SORCS3: variants seen among roughly 807,000 people sequenced by gnomAD.
SORCS3 encodes the protein sortilin related VPS10 domain containing receptor 3.
A neutral mutation model predicts 146.3 loss-of-function variants in SORCS3; 57 were observed. The ratio of observed to expected loss-of-function variants is 0.39; its 90% CI spans 0.31 to 0.49. The LOEUF is 0.49. Ranked by LOEUF, SORCS3 falls within the 20% of genes least tolerant of loss-of-function variation. SORCS3 has a pLI of 0.92. For missense variants in SORCS3, 1,341 were observed against 1,575.5 expected, an observed-to-expected ratio of 0.85 and a Z score of 2.52; for synonymous variants, 653 against 618.5, an observed-to-expected ratio of 1.06 and a Z score of -0.83.
chr10:105,252,138 T>A (rs994679805), intron 22 of SORCS3, among the ~76,000 whole-genome samples: 1 of 152,190 alleles, frequency 6.6e-6, no homozygotes, highest in Non-Finnish European at 1.5e-5. Flanking sequence ...ATATTTTGGA[T>A]CATGTCTTTA....
intron 4 of SORCS3, among the ~76,000 whole-genome samples, chr10:105,009,815 C>T (rs2055122275): frequency 6.6e-6 from 1 of 151,696 alleles, no homozygotes; most frequent in South Asian, 2.1e-4. Flanking sequence ...ACAACAGGGC[C>T]CTGGCTGGGA....
intron 1 of SORCS3, among the ~76,000 whole-genome samples, chr10:104,647,597 GC>G (rs1370740810): frequency 2.6e-5 from 4 of 152,146 alleles, no homozygotes; most frequent in Admixed American, 2.6e-4. Flanking sequence ...TCTCATCCGT[GC>G]CTGGCAGCAT....
chr10:105,148,864 C>T (rs1050824737), intron 9 of SORCS3, among the ~76,000 whole-genome samples: 1 of 151,998 alleles, frequency 6.6e-6, no homozygotes, highest in Non-Finnish European at 1.5e-5. Flanking sequence ...GTTCTGTGTC[C>T]CTACCCAAAT....
chr10:104,654,724 A>T (rs2015604629), intron 1 of SORCS3, among the ~76,000 whole-genome samples: 1 of 152,210 alleles, frequency 6.6e-6, no homozygotes, highest in South Asian at 2.1e-4. Flanking sequence ...ATTTGGCATT[A>T]TATGTGTCTC....
chr10:104,969,340 T>TGTGTGTGTGTGC (rs398014705), intron 3 of SORCS3, among the ~76,000 whole-genome samples: 38 of 112,420 alleles, frequency 3.4e-4, no homozygotes, highest in African/African-American at 8.2e-4. Flanking sequence ...TGTGTGTGTG[T>TGTGTGTGTGTGC]GCGCGCGCGC....
intron 25 of SORCS3, among the ~76,000 whole-genome samples, chr10:105,258,770 G>A (rs1043542663): frequency 1.3e-5 from 2 of 152,072 alleles, no homozygotes; most frequent in South Asian, 4.2e-4. Flanking sequence ...TTCTACCTTT[G>A]TAGTTCCCAG....
chr10:104,822,023 A>G, intron 1 of SORCS3: 3 of 502,164 alleles, frequency 6.0e-6, no homozygotes, highest in South Asian at 3.0e-5. Context: ...ATACCATCTC[A>G]GCCTACTGCA....
intron 7 of SORCS3, among the ~76,000 whole-genome samples, chr10:105,128,479 T>C (rs1186012470): frequency 6.6e-6 from 1 of 152,124 alleles, no homozygotes; most frequent in African/African-American, 2.4e-5. Context: ...CTCTAGAAAA[T>C]GAATGATTTT....
chr10:104,720,827 G>T (rs576947829), intron 1 of SORCS3, among the ~76,000 whole-genome samples: 1 of 152,082 alleles, frequency 6.6e-6, no homozygotes, highest in South Asian at 2.1e-4. Flanking sequence ...GGGGTTGTTT[G>T]TTTTTTTCTT....
intron 3 of SORCS3, among the ~76,000 whole-genome samples, chr10:104,928,467 G>T (rs2019172667): frequency 6.6e-6 from 1 of 152,114 alleles, no homozygotes; most frequent in African/African-American, 2.4e-5. Flanking sequence ...GGATCTCACT[G>T]CCCCTGAGGT....
chr10:104,824,045 A>G (rs993704499), intron 1 of SORCS3, among the ~76,000 whole-genome samples: 5 of 152,202 alleles, frequency 3.3e-5, no homozygotes, highest in Admixed American at 2.6e-4. Flanking sequence ...AAGAAAAACA[A>G]CAGATTTTCC....
intron 16 of SORCS3, among the ~76,000 whole-genome samples, chr10:105,207,839 C>T (rs1408755249): frequency 6.6e-6 from 1 of 152,146 alleles, no homozygotes; most frequent in Non-Finnish European, 1.5e-5. Context: ...AACTGCTAAA[C>T]ACGGTTATAT....
intron 26 of SORCS3, 74 bp from the exon 27 acceptor site, chr10:105,263,236 C>T: frequency 6.9e-7 from 1 of 1,439,132 alleles, no homozygotes; most frequent in Non-Finnish European, 9.7e-7. Context: ...TGGTATTTAG[C>T]AGTGAATAAA....
intron 5 of SORCS3, among the ~76,000 whole-genome samples, chr10:105,069,720 C>T (rs2055545232): frequency 6.6e-6 from 1 of 152,110 alleles, no homozygotes. Flanking sequence ...TGATACTTTC[C>T]AGCAGGGAGC....
chr10:104,739,812 A>G (rs2016819625), intron 1 of SORCS3, among the ~76,000 whole-genome samples: 1 of 152,196 alleles, frequency 6.6e-6, no homozygotes, highest in Non-Finnish European at 1.5e-5. Flanking sequence ...ATTTGATTGG[A>G]TTTCCATTAG....
At chr10:105,023,583 T>A (rs1469796830) in intron 4 of SORCS3, among the ~76,000 whole-genome samples, 1 of 152,192 alleles carries the variant, frequency 6.6e-6, no homozygotes, top group African/African-American at 2.4e-5. Context: ...AGTAAGCTGT[T>A]TGAGTCGCAG....
chr10:104,786,717 G>A (rs923756598), intron 1 of SORCS3, among the ~76,000 whole-genome samples: 2 of 152,096 alleles, frequency 1.3e-5, no homozygotes, highest in Non-Finnish European at 2.9e-5. Context: ...TCGAGACCAG[G>A]TCCTTGCCTC....
At chr10:104,731,725 G>A (rs1008527558) in intron 1 of SORCS3, among the ~76,000 whole-genome samples, 1 of 152,072 alleles carries the variant, frequency 6.6e-6, no homozygotes, top group African/African-American at 2.4e-5. Context: ...GATTTACCGA[G>A]CTGTGAGTAA....
intron 19 of SORCS3, among the ~76,000 whole-genome samples, chr10:105,222,429 C>T (rs185213794): frequency 6.6e-6 from 1 of 152,222 alleles, no homozygotes; most frequent in East Asian, 1.9e-4. Flanking sequence ...CACTTATTGC[C>T]TAGGGTGTGT....
Sources: allele counts gnomAD v4.1 joint callset (sites outside exome capture counted in the v4.1 genomes callset), GRCh38; gene constraint gnomAD v4.1.1; transcripts MANE v1.5; gene names NCBI Gene and HGNC (gene_info 2026-07-23, HGNC 2026-07-21).